The following UCHL5 variants were observed in gnomAD, a reference collection of about 807,000 sequenced individuals.
UCHL5 encodes the protein ubiquitin carboxyl-terminal hydrolase isozyme L5.
In UCHL5, 34 loss-of-function variants were observed where a neutral mutation model predicts 53.8. The ratio of observed to expected loss-of-function variants is 0.63; its 90% CI spans 0.48 to 0.84. UCHL5 has a LOEUF of 0.84. UCHL5 is among the 40% of genes least tolerant of loss of function. The pLI, the probability that UCHL5 is intolerant of heterozygous loss-of-function variation, is 0.00. For synonymous variants in UCHL5, 111 were observed against 126.3 expected (o/e 0.88, Z 0.81); for missense variants, 290 against 385.6 (o/e 0.75, Z 2.08).
intron 3 of UCHL5, among the ~76,000 whole-genome samples, chr1:193,030,825 A>G (rs1342687670): frequency 6.6e-6 from 1 of 152,140 alleles, no homozygotes; most frequent in Non-Finnish European, 1.5e-5. Flanking sequence ...AGAGGTTTTT[A>G]AGATCTTATG....
chr1:193,020,307 C>T (rs942005118), intron 10 of UCHL5: 11 of 1,543,144 alleles, frequency 7.1e-6, no homozygotes, highest in African/African-American at 1.4e-5. Flanking sequence ...ATATACCTAC[C>T]ATGTATTCTC....
chr1:193,044,846 C>T (rs569764138), intron 3 of UCHL5, among the ~76,000 whole-genome samples: 1 of 152,168 alleles, frequency 6.6e-6, no homozygotes, highest in Admixed American at 6.5e-5. Flanking sequence ...AAAAGACTGA[C>T]AGATATTAAT....
chr1:193,045,327 T>C (rs1199354434), intron 3 of UCHL5, among the ~76,000 whole-genome samples: 1 of 152,208 alleles, frequency 6.6e-6, no homozygotes, highest in Non-Finnish European at 1.5e-5. Context: ...CATGTTGAAA[T>C]GTAATCCCCA....
intron 3 of UCHL5, among the ~76,000 whole-genome samples, chr1:193,037,318 A>G (rs1369390489): frequency 2.6e-5 from 4 of 152,106 alleles, no homozygotes; most frequent in African/African-American, 9.7e-5. Context: ...AACATCTGAA[A>G]TCACAGTAAT....
intron 3 of UCHL5, among the ~76,000 whole-genome samples, chr1:193,032,044 T>C (rs946499882): frequency 2.0e-5 from 3 of 152,146 alleles, no homozygotes; most frequent in Admixed American, 6.6e-5. Context: ...CCAGGGTATA[T>C]AGTCTTTAGT....
chr1:193,052,228 T>C (rs996984701), intron 1 of UCHL5, among the ~76,000 whole-genome samples: 1 of 152,168 alleles, frequency 6.6e-6, no homozygotes, highest in African/African-American at 2.4e-5. Flanking sequence ...AAATCACATC[T>C]TTAGTTCTGA....
intron 10 of UCHL5, chr1:193,020,113 T>C (rs1571444479): frequency 1.0e-6 from 1 of 984,924 alleles, no homozygotes; most frequent in East Asian, 1.1e-4. Context: ...AAAGAGAAGA[T>C]TTAGCAGTCT....
chr1:193,036,342 A>AG (rs1663447631), intron 3 of UCHL5, among the ~76,000 whole-genome samples: 1 of 147,644 alleles, frequency 6.8e-6, no homozygotes, highest in Non-Finnish European at 1.5e-5. Context: ...AAAAAAAAAA[A>AG]GAACAGGAGT....
chr1:193,022,158 C>T (rs763041526), intron 9 of UCHL5, among the ~76,000 whole-genome samples: 13 of 152,052 alleles, frequency 8.5e-5, no homozygotes, highest in Admixed American at 5.2e-4. Flanking sequence ...TAGAGCCTGC[C>T]TGCCTGCCCC....
intron 3 of UCHL5, among the ~76,000 whole-genome samples, chr1:193,044,290 C>T (rs962144688): frequency 7.9e-5 from 12 of 152,158 alleles, no homozygotes; most frequent in Non-Finnish European, 1.5e-5. Flanking sequence ...ACCACAGTAT[C>T]TGGCACATTG....
At chr1:193,018,568 C>T (rs1427819066) in intron 10 of UCHL5, 3 of 1,194,088 alleles carry the variant, frequency 2.5e-6, no homozygotes, top group African/African-American at 3.2e-5. Context: ...ATAACAAAAA[C>T]ATTTATAGGT....
chr1:193,049,667 T>C (rs1487547926), intron 3 of UCHL5, 79 bp downstream of exon 3: 2 of 1,135,856 alleles, frequency 1.8e-6, no homozygotes, highest in East Asian at 2.4e-5. Context: ...ACTACACTAG[T>C]AGCAAACAGT....
intron 10 of UCHL5, among the ~76,000 whole-genome samples, chr1:193,018,044 C>G (rs1655470038): frequency 6.6e-6 from 1 of 151,316 alleles, no homozygotes; most frequent in Admixed American, 6.6e-5. Context: ...ATACAGTGTA[C>G]CAATGATATT....
In UCHL5 at chr1:193,022,935, T is replaced by C; in HGVS notation, c.834A>G (p.Lys278=). 6.2e-7 allele frequency: 1 copy of C among 1,608,658 alleles called. No individual in the cohort carries two copies. ...ATTTTTAAAAACATACCTTGTATCT[T>C]TTTAATTTCTGTACTTCTTCTTCAA... ...MLIEEEVQKL[K]RYKIENIRRK... Residue 278 remains lysine, a synonymous_variant, in exon 9 of 11, where the codon AAA becomes AAG. Transcript: ENST00000367454.
chr1:193,028,258 G>T, intron 6 of UCHL5, 110 bp from the exon 7 acceptor site: 2 of 914,606 alleles, frequency 2.2e-6, no homozygotes, highest in South Asian at 4.2e-5. Context: ...AATAAATTTA[G>T]AGCAGTAAAA....
Position 193,054,642 on chromosome 1 carries a change from T to C in UCHL5, c.77-2825A>G, listed in dbSNP as rs148886850. Among the ~76,000 whole-genome samples the C allele has an allele frequency of 9.3e-4, 141 of 152,276 alleles. 1 individual carries two copies. The highest frequency in any genetic ancestry group is 3.2e-3 in the African/African-American group (132 of 41,560). The stretch of plus-strand genomic sequence containing the variant: ...TGAGCTGGTCCCATTTTAGGGGCTG[T>C]AACAATAGGAAGCAACACTTGCTTC... On this transcript the variant is annotated intron_variant, in intron 1 of 10. Transcript: ENST00000367454.
At chr1:193,027,690 A>T (rs1446338279) in intron 7 of UCHL5, among the ~76,000 whole-genome samples, 1 of 152,224 alleles carries the variant, frequency 6.6e-6, no homozygotes, top group Non-Finnish European at 1.5e-5. Flanking sequence ...GTCTCAAAAA[A>T]TAAAAAAAAG....
At chr1:193,016,619 G>A (rs1394546518) in intron 10 of UCHL5, among the ~76,000 whole-genome samples, 1 of 151,708 alleles carries the variant, frequency 6.6e-6, no homozygotes, top group Non-Finnish European at 1.5e-5. Context: ...TTGGTTTGCA[G>A]TTCTTTCCTA....
At position 193,014,140 on chromosome 1, in the gene UCHL5, T is replaced by C. The variant is rs1654555250; in HGVS notation, c.*2211A>G. The stretch of plus-strand genomic sequence containing the variant: ...ACTTTCCAAATAGCATTTATCTATT[T>C]ATGGGTTGCTCTTTATTCTTCCATT... On this transcript the variant is annotated 3_prime_UTR_variant, in exon 11 of 11. Transcript: ENST00000367454. 2.0e-5 allele frequency: 3 copies of C among 152,202 alleles called. No homozygotes were observed. The South Asian group carries it at 6.2e-4, about 32-fold the overall frequency. The allele number at this position is 152,202 out of a possible 1,614,324, so 9.4% of individuals were successfully genotyped here.
Sources: allele counts gnomAD v4.1 joint callset (sites outside exome capture counted in the v4.1 genomes callset), GRCh38; gene constraint gnomAD v4.1.1; transcripts MANE v1.5; gene names NCBI Gene and HGNC (gene_info 2026-07-23, HGNC 2026-07-21).